ROBO2: variants seen among roughly 807,000 people sequenced by gnomAD.
ROBO2 encodes roundabout guidance receptor 2.
Under a neutral mutation model 160.8 loss-of-function variants are expected in ROBO2, and 53 were observed. The ratio of observed to expected loss-of-function variants is 0.33; its 90% CI spans 0.26 to 0.41. ROBO2 has a LOEUF of 0.41. Among genes scored for constraint, ROBO2 ranks in the 10% least tolerant of loss-of-function variants. The pLI, the probability that ROBO2 is intolerant of heterozygous loss-of-function variation, is 1.00. For missense variants in ROBO2, 1,577 were observed against 1,722.4 expected (o/e 0.92, Z 1.49); for synonymous variants, 664 against 611.7 (o/e 1.09, Z -1.26).
chr3:77,120,537 G>T (rs992263757), intron 2 of ROBO2, among the ~76,000 whole-genome samples: 2 of 152,048 alleles, frequency 1.3e-5, no homozygotes, highest in Admixed American at 6.5e-5. Context: ...TGGAAGAAAA[G>T]AATTTGCTTT....
chr3:76,419,135 C>G (rs2075881611), intron 2 of ROBO2, among the ~76,000 whole-genome samples: 1 of 152,066 alleles, frequency 6.6e-6, no homozygotes, highest in Admixed American at 6.5e-5. Flanking sequence ...AAGGAGTAAA[C>G]ACAGATAAAT....
rs566934542 is a variant in ROBO2, at chr3:77,322,157, A to T, written c.389-155257A>T. 5.9e-5 allele frequency among the ~76,000 whole-genome samples: 9 copies of T among 152,334 alleles called. No individual in the cohort carries two copies. In the South Asian group the frequency reaches 1.9e-3, roughly 32 times the overall value. ...GGTTCCCCAGGCTCCACACGTGACT[A>T]TGAATAATCTTATAAATAATAGACT... On this transcript the variant is annotated intron_variant, in intron 2 of 25. Coordinates refer to ENST00000461745, the Ensembl canonical transcript of ROBO2.
chr3:76,740,072 T>A (rs145014033), intron 2 of ROBO2, among the ~76,000 whole-genome samples: 126 of 152,302 alleles, frequency 8.3e-4, no homozygotes, highest in African/African-American at 2.9e-3. Context: ...ATAAGGAAAA[T>A]TATTTTTAAG....
intron 2 of ROBO2, among the ~76,000 whole-genome samples, chr3:76,634,981 C>G (rs1222484493): frequency 6.6e-6 from 1 of 152,140 alleles, no homozygotes; most frequent in Non-Finnish European, 1.5e-5. Context: ...CAATATAATG[C>G]CTGATGATCT....
chr3:76,422,702 TAAAAATG>T (rs1002472662), intron 2 of ROBO2, among the ~76,000 whole-genome samples: 1 of 152,220 alleles, frequency 6.6e-6, no homozygotes, highest in African/African-American at 2.4e-5. Context: ...GTACTTTATG[TAAAAATG>T]ACTATTTTTC....
At chr3:77,061,653 T>C (rs2066320342) in intron 1 of ROBO2, among the ~76,000 whole-genome samples, 1 of 152,188 alleles carries the variant, frequency 6.6e-6, no homozygotes, top group Admixed American at 6.5e-5. Context: ...TTGAGCTTTT[T>C]CTGGCACATA....
intron 1 of ROBO2, among the ~76,000 whole-genome samples, chr3:75,915,302 C>G (rs1460543592): frequency 6.6e-6 from 1 of 152,022 alleles, no homozygotes; most frequent in Non-Finnish European, 1.5e-5. Flanking sequence ...TTCAAAAATT[C>G]AAGAATTATG....
At chr3:76,843,250 A>G (rs1233155107) in intron 2 of ROBO2, among the ~76,000 whole-genome samples, 1 of 150,466 alleles carries the variant, frequency 6.6e-6, no homozygotes, top group Non-Finnish European at 1.5e-5. Flanking sequence ...TAAATGTAAT[A>G]TCATAAATCA....
chr3:76,654,426 A>C (rs146059580), intron 2 of ROBO2, among the ~76,000 whole-genome samples: 1 of 152,336 alleles, frequency 6.6e-6, no homozygotes, highest in African/African-American at 2.4e-5. Context: ...CGGTGAAGGT[A>C]AAACATACTG....
At chr3:77,644,855 C>T (rs2095395948) in exon 25 of ROBO2, 6 of 1,613,992 alleles carry the variant, frequency 3.7e-6, no homozygotes, top group Non-Finnish European at 5.1e-6. Context: ...ACCTTCTTGA[C>T]ATAGGATATA....
intron 2 of ROBO2, among the ~76,000 whole-genome samples, chr3:76,850,099 A>G (rs1456361321): frequency 6.6e-6 from 1 of 152,188 alleles, no homozygotes; most frequent in Non-Finnish European, 1.5e-5. Context: ...AGGCAGGAGA[A>G]TCACTTGAAC....
chr3:76,904,841 T>G (rs2075483164), intron 2 of ROBO2, among the ~76,000 whole-genome samples: 1 of 152,216 alleles, frequency 6.6e-6, no homozygotes, highest in South Asian at 2.1e-4. Flanking sequence ...ACCACCATCT[T>G]TTATTTCTGA....
At chr3:77,289,529 A>G (rs1175533401) in intron 2 of ROBO2, among the ~76,000 whole-genome samples, 8 of 152,092 alleles carry the variant, frequency 5.3e-5, no homozygotes, top group African/African-American at 1.9e-4. Flanking sequence ...AGCTGAGGCT[A>G]GATCACCCCA....
intron 7 of ROBO2, among the ~76,000 whole-genome samples, chr3:77,549,078 C>T (rs562860241): frequency 2.6e-5 from 4 of 151,818 alleles, no homozygotes; most frequent in African/African-American, 7.2e-5. Context: ...CTCTCCAAGG[C>T]GGGAAGAGCT....
intron 2 of ROBO2, among the ~76,000 whole-genome samples, chr3:76,068,459 A>G (rs2107939751): frequency 6.6e-6 from 1 of 152,290 alleles, no homozygotes; most frequent in Non-Finnish European, 1.5e-5. Context: ...AAGAGGCCAC[A>G]GTGTGTTCAT....
intron 2 of ROBO2, among the ~76,000 whole-genome samples, chr3:76,282,623 G>A (rs547124325): frequency 1.3e-5 from 2 of 151,778 alleles, no homozygotes; most frequent in Non-Finnish European, 2.9e-5. Flanking sequence ...ATCATTTTTA[G>A]CTTTCTCATT....
At chr3:76,323,277 A>G (rs1025817417) in intron 2 of ROBO2, among the ~76,000 whole-genome samples, 1 of 152,026 alleles carries the variant, frequency 6.6e-6, no homozygotes, top group South Asian at 2.1e-4. Flanking sequence ...GTGTCTCTAT[A>G]TTAAGCACTA....
At chr3:77,142,664 G>A (rs2076799454) in intron 2 of ROBO2, among the ~76,000 whole-genome samples, 1 of 152,164 alleles carries the variant, frequency 6.6e-6, no homozygotes. Flanking sequence ...CATGGGAGGA[G>A]TTCCATCACC....
At chr3:77,362,204 A>G (rs901469105) in intron 2 of ROBO2, among the ~76,000 whole-genome samples, 1 of 152,180 alleles carries the variant, frequency 6.6e-6, no homozygotes, top group African/African-American at 2.4e-5. Context: ...GGCTGACTTT[A>G]GTCAGGTCTA....
Sources: gnomAD v4.1 joint callset for allele counts (sites outside exome capture counted in the v4.1 genomes callset) on GRCh38, gnomAD v4.1.1 for gene constraint, MANE v1.5 for transcripts, NCBI Gene and HGNC (gene_info 2026-07-23, HGNC 2026-07-21) for gene names.